BRD4: variants seen among roughly 807,000 people sequenced by gnomAD.
BRD4 encodes bromodomain containing 4.
In BRD4, 16 loss-of-function variants were observed where a neutral mutation model predicts 142.1. The observed-to-expected ratio is 0.11, with a 90% confidence interval of 0.08 to 0.17. The LOEUF (loss-of-function observed/expected upper bound fraction) is 0.17. BRD4 is among the 10% of genes least tolerant of loss of function. The probability of loss-of-function intolerance (pLI) is 1.00; values close to 1 mark genes in which losing one functional copy is unlikely to be tolerated. For missense variants in BRD4, 1,424 were observed against 1,810.9 expected (o/e 0.79, Z 3.88); for synonymous variants, 833 against 707.5 (o/e 1.18, Z -2.82).
intron 1 of BRD4, among the ~76,000 whole-genome samples, chr19:15,278,079 C>T (rs190110100): frequency 8.4e-6 from 1 of 118,896 alleles, no homozygotes; most frequent in Non-Finnish European, 1.6e-5. Context: ...GCATTCCAGC[C>T]TGGGAGACAG....
At chr19:15,243,890 CCT>C (rs1284169813) in intron 13 of BRD4, among the ~76,000 whole-genome samples, 6 of 152,198 alleles carry the variant, frequency 3.9e-5, no homozygotes, top group South Asian at 2.1e-4. Flanking sequence ...TCCCCCAACC[CCT>C]GATGAGAAAA....
chr19:15,323,400 G>A (rs533285435), intron 1 of BRD4, among the ~76,000 whole-genome samples: 1 of 152,190 alleles, frequency 6.6e-6, no homozygotes, highest in African/African-American at 2.4e-5. Context: ...GGGCTGGCAG[G>A]TTCCACCTCC....
chr19:15,262,532 A>AG (rs996632728), intron 7 of BRD4, among the ~76,000 whole-genome samples: 1 of 142,142 alleles, frequency 7.0e-6, no homozygotes, highest in Non-Finnish European at 1.5e-5. Context: ...TTTAAAAAAA[A>AG]AAAAAAAAAA....
Position 15,238,635 on chromosome 19 carries a change from G to C in BRD4, c.4020+108C>G. Reference sequence around the variant, plus strand: ...AGAGGACCACATGCCGACCAGCAGGGACGGGGCTCCCCCGCTGCCCCTCCC... The same window carrying C: ...AGAGGACCACATGCCGACCAGCAGGCACGGGGCTCCCCCGCTGCCCCTCCC... On this transcript the variant is annotated intron_variant, in intron 19 of 19. Transcript: ENST00000679869. The surrounding 1 kb of genome is among the most constrained non-coding windows in gnomAD (Gnocchi z 7.2). 6.9e-7 allele frequency: 1 copy of C among 1,457,948 alleles called. No homozygotes were observed. The highest frequency in any genetic ancestry group is 2.7e-5 in the Admixed American group (1 of 36,774). The allele number at this position is 1,457,948 out of a possible 1,614,324, so 90.3% of individuals were successfully genotyped here.
In BRD4 at chr19:15,243,198, G is replaced by T. The variant is rs945737077; in HGVS notation, c.2871C>A (p.Pro957=). Reference sequence around the variant, plus strand: ...CAGAGGGGTGGGGTGGGGGCGGCAGGGGGGGTGGGGGCTGGGACTGCACCT... The same window carrying T: ...CAGAGGGGTGGGGTGGGGGCGGCAGTGGGGGTGGGGGCTGGGACTGCACCT... The part of the protein sequence containing the change: ...SVKVQSQPPP[P]LPPPPHPSVQ... The change falls in exon 14 of 20, where the codon CCC becomes CCA. Residue 957 remains proline (P), a synonymous_variant. Coordinates refer to ENST00000679869, the MANE Select transcript of BRD4 (RefSeq NM_001379291.1). 5 of 1,168,926 alleles carry T rather than the reference G, an allele frequency of 4.3e-6. No homozygotes were observed. Among genetic ancestry groups the T allele is most frequent in the Admixed American group, 3.0e-5 (1 of 32,806 alleles). 72.4% of individuals were successfully genotyped at this position (1,168,926 alleles called of 1,614,324 possible).
intron 7 of BRD4, among the ~76,000 whole-genome samples, chr19:15,259,939 G>A (rs1012613594): frequency 2.0e-5 from 3 of 152,222 alleles, no homozygotes; most frequent in East Asian, 1.9e-4. Flanking sequence ...AAGATGCACC[G>A]AGGCAAGCCT....
intron 11 of BRD4, chr19:15,247,476 C>A (rs372142765): frequency 8.6e-6 from 2 of 232,988 alleles, no homozygotes; most frequent in Non-Finnish European, 1.7e-5. Context: ...GCCCCACGGG[C>A]AAGAAGGACA....
At chr19:15,251,917 G>A (rs1033816623) in intron 11 of BRD4, among the ~76,000 whole-genome samples, 2 of 152,210 alleles carry the variant, frequency 1.3e-5, no homozygotes, top group African/African-American at 4.8e-5. Flanking sequence ...AGCCCAGATA[G>A]CTGCATGAGC....
rs1258693281 is a variant in BRD4, at chr19:15,255,382, G to T, written c.1962C>A (p.Ile654=). The T allele has an allele frequency of 1.2e-6, 2 of 1,614,034 alleles. No individual in the cohort carries two copies. The highest frequency in any genetic ancestry group is 1.3e-5 in the African/African-American group (1 of 74,966). ...LKNSNPDEIE[I]DFETLKPSTL... is the part of the protein sequence containing the mutation. ...TGGACGGCTTCAGGGTCTCAAAGTC[G>T]ATTTCAATCTCGTCGGGGTTGGAAT... Residue 654 remains isoleucine (I), a synonymous_variant, in exon 10 of 20, where the codon ATC becomes ATA. Coordinates refer to ENST00000679869, the MANE Select transcript of BRD4 (RefSeq NM_001379291.1).
chr19:15,247,806 C>T (rs1172706701), intron 11 of BRD4: 1 of 232,466 alleles, frequency 4.3e-6, no homozygotes, highest in Non-Finnish European at 8.5e-6. Context: ...GCAAACAGAG[C>T]TTAACTGGAA....
intron 1 of BRD4, among the ~76,000 whole-genome samples, chr19:15,328,470 C>T (rs962521313): frequency 1.3e-5 from 2 of 152,184 alleles, no homozygotes; most frequent in African/African-American, 4.8e-5. Context: ...TGCATGGAAA[C>T]ACACTGCATG....
In BRD4 at chr19:15,254,252, A is replaced by G. The variant is rs1401929033; in HGVS notation, c.2058T>C (p.Val686=). The G allele has an allele frequency of 6.2e-7, 1 of 1,614,030 alleles. No individual in the cohort carries two copies. The highest frequency in any genetic ancestry group is 8.5e-7 in the Non-Finnish European group (1 of 1,180,016). The part of the protein sequence containing the change: ...RKKRKPQAEK[V]DVIAGSSKMK... The stretch of plus-strand genomic sequence containing the variant: ...TCTTGGAGGAGCCGGCAATCACATC[A>G]ACTTTCTCAGCTGCAATCCAAGCAA... The change falls in exon 11 of 20, where the codon GTT becomes GTC. Residue 686 remains valine (V), a synonymous_variant. Coordinates refer to ENST00000679869, the MANE Select transcript of BRD4 (RefSeq NM_001379291.1).
chr19:15,239,778 AC>A lies in BRD4; in HGVS notation c.3325del (p.Val1109TrpfsTer2), dbSNP rs1463077922. On this transcript the variant is annotated frameshift_variant, in exon 16 of 20. Coordinates refer to ENST00000679869, the MANE Select transcript of BRD4 (RefSeq NM_001379291.1). LOFTEE classifies it high-confidence loss of function. This position sits in a 1 kb window ranked among gnomAD's most constrained non-coding sequence, Gnocchi z 7.4. The stretch of plus-strand genomic sequence containing the variant: ...TGAGTGGATCTTCTCCTCCTTCACC[AC>A]CACGAGGGGCTGGGGCTGGACCACG... ...ASVVQPQPLV[V>X]VKEEKIHSPI... 6.2e-7 allele frequency: 1 copy of A among 1,612,368 alleles called. No homozygotes were observed. The highest frequency in any genetic ancestry group is 1.3e-5 in the African/African-American group (1 of 74,894).
intron 1 of BRD4, among the ~76,000 whole-genome samples, chr19:15,297,092 A>C (rs989688732): frequency 6.6e-6 from 1 of 152,256 alleles, no homozygotes; most frequent in Non-Finnish European, 1.5e-5. Context: ...GATACATAAA[A>C]GCAGCCAGCA....
In BRD4 at chr19:15,255,486, A is replaced by G. The variant is rs1219335668; in HGVS notation, c.1858T>C (p.Leu620=). ...TCGCCGGGGAGCTTGTTGATGTCCA[A>G]GCTGAGCTGCCGCTTCTCCTCATAG... The part of the protein sequence containing the change: ...MSYEEKRQLS[L]DINKLPGEKL... The change falls in exon 10 of 20, where the codon TTG becomes CTG. Residue 620 remains leucine (L), a synonymous_variant. Transcript: ENST00000679869. 1 of 1,614,010 alleles carries G rather than the reference A, an allele frequency of 6.2e-7. No homozygotes were observed. The highest frequency in any genetic ancestry group is 8.5e-7 in the Non-Finnish European group (1 of 1,180,040).
chr19:15,327,922 G>GGA (rs894069622), intron 1 of BRD4, among the ~76,000 whole-genome samples: 1 of 126,882 alleles, frequency 7.9e-6, no homozygotes, highest in African/African-American at 2.9e-5. Context: ...TTCTTTTGGG[G>GGA]GGGGGGGGTG....
chr19:15,315,408 G>C (rs2048008244), intron 1 of BRD4, among the ~76,000 whole-genome samples: 1 of 152,044 alleles, frequency 6.6e-6, no homozygotes, highest in South Asian at 2.1e-4. Context: ...TGATTACCAA[G>C]TACATCCAGC....
intron 1 of BRD4, among the ~76,000 whole-genome samples, chr19:15,304,373 G>C (rs940673010): frequency 6.6e-6 from 1 of 152,184 alleles, no homozygotes; most frequent in African/African-American, 2.4e-5. Flanking sequence ...GCTGTGCCTG[G>C]AATCAGCCTT....
At chr19:15,326,564 T>G (rs2048110059) in intron 1 of BRD4, among the ~76,000 whole-genome samples, 1 of 152,190 alleles carries the variant, frequency 6.6e-6, no homozygotes. Flanking sequence ...GACAAATAAC[T>G]GGAAGGAAAG....
Sources: allele counts gnomAD v4.1 joint callset (sites outside exome capture counted in the v4.1 genomes callset), GRCh38; gene constraint gnomAD v4.1.1; non-coding constraint Gnocchi (gnomAD v3.1); transcripts MANE v1.5; gene names NCBI Gene and HGNC (gene_info 2026-07-23, HGNC 2026-07-21).